The following ABCG1 variants were observed in gnomAD, a reference collection of about 807,000 sequenced individuals.
ABCG1 encodes ATP binding cassette subfamily G member 1.
Under a neutral mutation model 69.2 loss-of-function variants are expected in ABCG1, and 29 were observed. That is an observed-to-expected ratio of 0.42 (90% CI 0.31 to 0.57). The LOEUF (loss-of-function observed/expected upper bound fraction) is 0.57, where lower values mean the gene tolerates loss of function less well. ABCG1 is among the 20% of genes least tolerant of loss of function. The pLI is 0.15. For missense variants in ABCG1, 718 were observed against 898.1 expected, an observed-to-expected ratio of 0.80 and a Z score of 2.56; for synonymous variants, 370 against 374.8, an observed-to-expected ratio of 0.99 and a Z score of 0.15.
intron 2 of ABCG1, among the ~76,000 whole-genome samples, chr21:42,264,403 A>G (rs955817536): frequency 1.3e-5 from 2 of 152,134 alleles, no homozygotes; most frequent in African/African-American, 4.8e-5. Flanking sequence ...CCATCCATCC[A>G]TCCATCCTTC....
At chr21:42,215,388 A>C (rs1940187357), upstream of ABCG1, among the ~76,000 whole-genome samples, 1 of 152,244 alleles carries the variant, frequency 6.6e-6, no homozygotes, top group Non-Finnish European at 1.5e-5. Flanking sequence ...GAAATAAATC[A>C]GACACTTCTA....
At chr21:42,201,662 A>C in exon 2 of ABCG1, 1 of 1,608,994 alleles carries the variant, frequency 6.2e-7, no homozygotes, top group African/African-American at 1.3e-5. Flanking sequence ...ACTCTGTGCC[A>C]GGAGCTGTTC....
rs1215827185 is a variant in ABCG1, at chr21:42,291,238, C to T, written c.1494+46C>T. On this transcript the variant is annotated intron_variant, in intron 12 of 14. Coordinates refer to ENST00000398449, the MANE Select transcript of ABCG1 (RefSeq NM_016818.3). This position sits in a 1 kb window ranked among gnomAD's most constrained non-coding sequence, Gnocchi z 6.4. ...AATTTGAAACGGGGGCAAGAGTTCT[C>T]CTGTACACCCTTTATATCGAGTAAG... 1.4e-6 allele frequency: 2 copies of T among 1,457,394 alleles called. No homozygotes were observed. The highest frequency in any genetic ancestry group is 1.7e-5 in the Admixed American group (1 of 57,540). 90.3% of individuals were successfully genotyped at this position (1,457,394 alleles called of 1,614,324 possible).
chr21:42,266,590 G>A (rs772967167), intron 2 of ABCG1, among the ~76,000 whole-genome samples: 1 of 152,160 alleles, frequency 6.6e-6, no homozygotes, highest in East Asian at 1.9e-4. Context: ...AGGGCAGTCC[G>A]TCACCACCCT....
chr21:42,296,721 T>C lies in ABCG1; in HGVS notation c.*329T>C, dbSNP rs1270848254. ...GTGATGAGAGGCTTCCTCAGTCCAGTCGCTCCTTAGCACCAGGCACCGTGG... is the reference window on the plus strand; with the variant it reads ...GTGATGAGAGGCTTCCTCAGTCCAGCCGCTCCTTAGCACCAGGCACCGTGG... On this transcript the variant is annotated 3_prime_UTR_variant, in exon 15 of 15. Transcript: ENST00000398449. The surrounding 1 kb of genome is among the most constrained non-coding windows in gnomAD (Gnocchi z 5.4). 3 of 360,374 alleles carry C rather than the reference T, an allele frequency of 8.3e-6. No individual in the cohort carries two copies. The highest frequency in any genetic ancestry group is 6.2e-5 in the African/African-American group (3 of 48,300). The allele number at this position is 360,374 out of a possible 1,614,324, so 22.3% of individuals were successfully genotyped here.
intron 5 of ABCG1, among the ~76,000 whole-genome samples, chr21:42,277,590 C>T (rs946548163): frequency 6.6e-5 from 10 of 152,188 alleles, no homozygotes; most frequent in South Asian, 2.1e-4. Context: ...ACACCCTCCA[C>T]GGGAAACCCA....
intron 2 of ABCG1, among the ~76,000 whole-genome samples, chr21:42,253,367 G>C (rs4148120): frequency 0.11 from 16,775 of 152,240 alleles, 1,163 homozygotes; most frequent in Non-Finnish European, 0.15. Flanking sequence ...TTGGGGGAAA[G>C]CTGGGACCCC....
chr21:42,200,250 T>TG (rs1161793733), intron 1 of ABCG1, among the ~76,000 whole-genome samples: 1 of 152,186 alleles, frequency 6.6e-6, no homozygotes, highest in Non-Finnish European at 1.5e-5. Context: ...AGCCGGGCCA[T>TG]GGGGGTGAGG....
chr21:42,203,161 G>A (rs77016294), intron 2 of ABCG1, among the ~76,000 whole-genome samples: 2,236 of 152,268 alleles, frequency 0.015, 59 homozygotes, highest in African/African-American at 0.05. Flanking sequence ...CATCATAGAT[G>A]TAGAACATTG....
At chr21:42,268,388 T>TGTGTGTGTGTGCGC (rs57264459) in intron 2 of ABCG1, among the ~76,000 whole-genome samples, 12 of 110,178 alleles carry the variant, frequency 1.1e-4, no homozygotes, top group Admixed American at 1.8e-4. Context: ...TGTGTGTGTG[T>TGTGTGTGTGTGCGC]GCGCGCGCGC....
chr21:42,286,760 G>A lies in ABCG1; in HGVS notation c.973+766G>A, dbSNP rs142888283. Among the ~76,000 whole-genome samples the A allele has an allele frequency of 1.1e-3, 173 of 152,298 alleles. 1 individual carries two copies. The highest frequency in any genetic ancestry group is 2.1e-3 in the Admixed American group (32 of 15,306). On this transcript the variant is annotated intron_variant, in intron 8 of 14. Coordinates refer to ENST00000398449, the MANE Select transcript of ABCG1 (RefSeq NM_016818.3). ...GGCGGGCAGGAAGGAGAGGAAACAC[G>A]GTGCGTGGGGATGCAGAGAGGTCCT...
At chr21:42,282,153 G>A (rs2068821432) in intron 5 of ABCG1, 121 bp from the exon 6 acceptor site, 8 of 1,399,004 alleles carry the variant, frequency 5.7e-6, no homozygotes, top group African/African-American at 1.4e-5. Flanking sequence ...TGGCCTCCAC[G>A]TGGGCCAGGC....
chr21:42,294,678 C>G lies in ABCG1; in HGVS notation c.1772+18C>G, dbSNP rs369919983. On this transcript the variant is annotated intron_variant, in intron 14 of 14. Coordinates refer to ENST00000398449, the MANE Select transcript of ABCG1 (RefSeq NM_016818.3). ...TATGTCAGGTAGCGGGCGTGGGGCA[C>G]GCATGGCGTGGGGACCGAGGGTGAC... 3.8e-5 allele frequency: 61 copies of G among 1,606,604 alleles called. No individual in the cohort carries two copies. The East Asian group carries it at 1.4e-3, about 36-fold the overall frequency.
chr21:42,208,080 T>C (rs1056198450), intron 2 of ABCG1, among the ~76,000 whole-genome samples: 1 of 152,220 alleles, frequency 6.6e-6, no homozygotes, highest in African/African-American at 2.4e-5. Context: ...CCACTCTTTC[T>C]TTGCTGGCAT....
At chr21:42,292,073 T>G (rs1277450879) in intron 13 of ABCG1, among the ~76,000 whole-genome samples, 3 of 152,132 alleles carry the variant, frequency 2.0e-5, no homozygotes, top group South Asian at 4.1e-4. Context: ...TGGGGTTCCC[T>G]CGGCCTCTCC....
At chr21:42,283,016 G>A (rs1041572262) in intron 6 of ABCG1, among the ~76,000 whole-genome samples, 7 of 152,186 alleles carry the variant, frequency 4.6e-5, no homozygotes, top group African/African-American at 1.4e-4. Context: ...TCCTGGATCT[G>A]GTGCCCCCAG....
At chr21:42,268,265 G>A (rs2068549974) in intron 2 of ABCG1, among the ~76,000 whole-genome samples, 1 of 152,232 alleles carries the variant, frequency 6.6e-6, no homozygotes, top group South Asian at 2.1e-4. Flanking sequence ...AGGGCAGGCG[G>A]GGTGGGATGG....
rs746318800 is a variant in ABCG1, at chr21:42,296,443, C to T, written c.*51C>T. ...AGATTAGACACTGTGGCCGAGGGCA[C>T]GTCTAGAATCGAGGAGGCAAGCCTG... is the stretch of plus-strand genomic sequence containing the variant. On this transcript the variant is annotated 3_prime_UTR_variant, in exon 15 of 15. Coordinates refer to ENST00000398449, the MANE Select transcript of ABCG1 (RefSeq NM_016818.3). This position sits in a 1 kb window ranked among gnomAD's most constrained non-coding sequence, Gnocchi z 5.4. 6 of 1,522,182 alleles carry T rather than the reference C, an allele frequency of 3.9e-6. No homozygotes were observed. The highest frequency in any genetic ancestry group is 1.7e-5 in the Admixed American group (1 of 57,806). 94.3% of individuals were successfully genotyped at this position (1,522,182 alleles called of 1,614,324 possible). A position where few individuals can be genotyped will look rare whatever the true frequency, so the allele number is the denominator to read the frequency against.
At chr21:42,202,008 G>A (rs2123459855) in intron 2 of ABCG1, among the ~76,000 whole-genome samples, 1 of 152,282 alleles carries the variant, frequency 6.6e-6, no homozygotes, top group Middle Eastern at 3.4e-3. Flanking sequence ...CTAATGCTGT[G>A]GTTCTCCTGG....
Sources: gnomAD v4.1 joint callset for allele counts (sites outside exome capture counted in the v4.1 genomes callset) on GRCh38, gnomAD v4.1.1 for gene constraint, Gnocchi (gnomAD v3.1) non-coding constraint, MANE v1.5 for transcripts, NCBI Gene and HGNC (gene_info 2026-07-23, HGNC 2026-07-21) for gene names.